GCLC: variants seen among roughly 807,000 people sequenced by gnomAD.
GCLC encodes glutamate--cysteine ligase catalytic subunit.
In GCLC, 30 loss-of-function variants were observed where a neutral mutation model predicts 81.5. That is an observed-to-expected ratio of 0.37 (90% CI 0.28 to 0.50). The LOEUF is 0.50. Among genes scored for constraint, GCLC ranks in the 20% least tolerant of loss-of-function variants. GCLC has a pLI of 0.96. For missense variants in GCLC, 556 were observed against 777.4 expected (o/e 0.72, Z 3.39); for synonymous variants, 262 against 273.3 (o/e 0.96, Z 0.41).
In GCLC at chr6:53,545,043, C is replaced by CA. The variant is rs1256254561; in HGVS notation, c.-399dup. 4 of 159,262 alleles carry CA rather than the reference C, an allele frequency of 2.5e-5. No individual in the cohort carries two copies. Among genetic ancestry groups the CA allele is most frequent in the Admixed American group, 6.5e-5 (1 of 15,436 alleles). The allele number at this position is 159,262 out of a possible 1,614,324, so 9.9% of individuals were successfully genotyped here. A position where few individuals can be genotyped will look rare whatever the true frequency, so the allele number is the denominator to read the frequency against. ...GCACTGGCTTCTTCCTACTTGTGAC[C>CA]AAAACCTGCGCCGCCGCGGAGCATG... On this transcript the variant is annotated 5_prime_UTR_variant, in exon 1 of 16. It removes the in-frame stop codon of an upstream open reading frame in the 5' UTR. Coordinates refer to ENST00000650454, the MANE Select transcript of GCLC (RefSeq NM_001498.4).
intron 1 of GCLC, among the ~76,000 whole-genome samples, chr6:53,538,136 CT>C (rs10588842): frequency 0.016 from 1,296 of 78,828 alleles, 24 homozygotes; most frequent in African/African-American, 0.054. Context: ...TTTTTCTTTC[CT>C]TTTTTTTTTT....
intron 3 of GCLC, among the ~76,000 whole-genome samples, 164 bp downstream of exon 3, chr6:53,520,614 G>A (rs1329230713): frequency 2.0e-5 from 3 of 152,228 alleles, no homozygotes; most frequent in African/African-American, 7.2e-5. Flanking sequence ...ATGCAACTGT[G>A]TCTGCAGCTC....
chr6:53,528,625 T>C (rs1034916418), intron 1 of GCLC, among the ~76,000 whole-genome samples: 10 of 152,324 alleles, frequency 6.6e-5, no homozygotes, highest in African/African-American at 2.2e-4. Flanking sequence ...TCCTCCTACT[T>C]TGAAATGTCT....
rs976872333 is a variant in GCLC, at chr6:53,544,386, C to G, written c.150+110G>C. On this transcript the variant is annotated intron_variant, in intron 1 of 15. Coordinates refer to ENST00000650454, the MANE Select transcript of GCLC (RefSeq NM_001498.4). ...CGGGAGGCGCTCGAGGACCCCCGGGCGCAGTGGAGAACGCGGACCGCGATA... is the reference window on the plus strand; with the variant it reads ...CGGGAGGCGCTCGAGGACCCCCGGGGGCAGTGGAGAACGCGGACCGCGATA... 7.0e-6 allele frequency: 8 copies of G among 1,138,714 alleles called. No individual in the cohort carries two copies. The African/African-American group carries it at 1.1e-4, about 15-fold the overall frequency. 70.5% of individuals were successfully genotyped at this position (1,138,714 alleles called of 1,614,324 possible).
At chr6:53,505,932 A>G (rs919025069) in intron 10 of GCLC, 37 bp from the exon 11 acceptor site, 2 of 1,137,822 alleles carry the variant, frequency 1.8e-6, no homozygotes, top group African/African-American at 3.0e-5. Flanking sequence ...CCAACTTTTC[A>G]CACATCCAGG....
intron 12 of GCLC, among the ~76,000 whole-genome samples, chr6:53,501,918 A>C (rs898297442): frequency 6.6e-6 from 1 of 152,184 alleles, no homozygotes; most frequent in African/African-American, 2.4e-5. Flanking sequence ...TCTTTTTGTT[A>C]AGACATTTAA....
rs1408114823 is a variant in GCLC, at chr6:53,544,632, G to A, written c.14C>T (p.Ser5Phe). The change falls in exon 1 of 16, where the codon TCC (serine) becomes TTC (phenylalanine). Residue 5 changes from serine to phenylalanine, a missense_variant. By Grantham distance (155) the Ser-to-Phe change is radical. This residue lies in a region of GCLC where 234 missense variants were observed against 303.8 expected (regional missense o/e 0.77). Coordinates refer to ENST00000650454, the MANE Select transcript of GCLC (RefSeq NM_001498.4). ...CTCCCAGCTCAGCGGCGAGCCCTGG[G>A]ACAGCAGCCCCATGGCCGCCCCCTC... MGLL[S>F]QGSPLSWEET... The A allele has an allele frequency of 6.3e-7, 1 of 1,598,392 alleles. No homozygotes were observed. Among genetic ancestry groups the A allele is most frequent in the Non-Finnish European group, 8.5e-7 (1 of 1,178,874 alleles).
intron 10 of GCLC, 58 bp from the exon 11 acceptor site, chr6:53,505,953 G>A (rs17884473): frequency 1.6e-5 from 15 of 938,128 alleles, no homozygotes; most frequent in Non-Finnish European, 1.8e-5. Flanking sequence ...AAAATATTAA[G>A]ATGATCTGGT....
chr6:53,537,468 A>T (rs1291460577), intron 1 of GCLC, among the ~76,000 whole-genome samples: 2 of 152,340 alleles, frequency 1.3e-5, no homozygotes, highest in East Asian at 3.9e-4. Context: ...TAAGAAGCCT[A>T]GCCTGAGCCT....
At chr6:53,508,167 A>G (rs1764652317) in intron 8 of GCLC, among the ~76,000 whole-genome samples, 1 of 152,154 alleles carries the variant, frequency 6.6e-6, no homozygotes. Context: ...GGTGGTTCTG[A>G]TGCACACCCC....
intron 1 of GCLC, among the ~76,000 whole-genome samples, chr6:53,526,419 A>T (rs1394836895): frequency 6.6e-6 from 1 of 152,252 alleles, no homozygotes; most frequent in Non-Finnish European, 1.5e-5. Context: ...ATTTACCACT[A>T]GCATAAGATA....
At chr6:53,515,307 C>T (rs1434014967) in intron 4 of GCLC, among the ~76,000 whole-genome samples, 4 of 152,232 alleles carry the variant, frequency 2.6e-5, no homozygotes, top group Non-Finnish European at 5.9e-5. Flanking sequence ...GTCAGAAGCA[C>T]CTTACTTTCT....
intron 1 of GCLC, among the ~76,000 whole-genome samples, chr6:53,534,213 C>A (rs1763220425): frequency 6.6e-6 from 1 of 152,162 alleles, no homozygotes; most frequent in East Asian, 1.9e-4. Context: ...TGTGTTTTTA[C>A]CAAATATCCA....
At chr6:53,538,136 CTTTTTTTTTTTTTTT>C (rs10588842) in intron 1 of GCLC, among the ~76,000 whole-genome samples, 15 of 78,904 alleles carry the variant, frequency 1.9e-4, no homozygotes, top group South Asian at 1.0e-3. Flanking sequence ...TTTTTCTTTC[CTTTTTTTTTTTTTTT>C]TTTTTTTTTT....
chr6:53,514,397 A>G, intron 5 of GCLC, 42 bp downstream of exon 5: 2 of 1,592,864 alleles, frequency 1.3e-6, no homozygotes, highest in Non-Finnish European at 1.7e-6. Flanking sequence ...ACAACAATAC[A>G]ACATGTCTCT....
At chr6:53,529,234 G>A (rs1056617425) in intron 1 of GCLC, among the ~76,000 whole-genome samples, 2 of 152,118 alleles carry the variant, frequency 1.3e-5, no homozygotes, top group African/African-American at 4.8e-5. Context: ...CATTATTGTT[G>A]GCACAAAGGA....
chr6:53,509,358 G>A (rs1581732134), intron 6 of GCLC, 108 bp from the exon 7 acceptor site: 4 of 743,904 alleles, frequency 5.4e-6, no homozygotes, highest in Non-Finnish European at 4.9e-6. Context: ...AGTTAACAAC[G>A]CTTCATTAAT....
Position 53,544,962 on chromosome 6 carries a change from G to T in GCLC, c.-317C>A, listed in dbSNP as rs868706646. The T allele has an allele frequency of 1.9e-5, 4 of 208,850 alleles. No homozygotes were observed. The highest frequency in any genetic ancestry group is 2.8e-5 in the Non-Finnish European group (3 of 105,664). 12.9% of individuals were successfully genotyped at this position (208,850 alleles called of 1,614,324 possible). ...CTCCTCCCGCTCCGATGCGGCGGCGGCGGACCCCACGGCCGCGCTGCCGCG... is the reference window on the plus strand; with the variant it reads ...CTCCTCCCGCTCCGATGCGGCGGCGTCGGACCCCACGGCCGCGCTGCCGCG... On this transcript the variant is annotated 5_prime_UTR_variant, in exon 1 of 16. Coordinates refer to ENST00000650454, the MANE Select transcript of GCLC (RefSeq NM_001498.4).
In GCLC at chr6:53,500,520, G is replaced by GA; in HGVS notation, c.1396-8dup. 1.3e-6 allele frequency: 2 copies of GA among 1,588,840 alleles called. No individual in the cohort carries two copies. Among genetic ancestry groups the GA allele is most frequent in the Non-Finnish European group, 1.7e-6 (2 of 1,158,260 alleles). On this transcript the variant is annotated splice_polypyrimidine_tract_variant and splice_region_variant and intron_variant, in intron 12 of 15. Transcript: ENST00000650454. ...CCTTCATGTTCTCATCAACCTAAGG[G>GA]AAAAAAAGAATCACGACTAAGTCAA...
Sources: allele counts gnomAD v4.1 joint callset (sites outside exome capture counted in the v4.1 genomes callset), GRCh38; gene constraint gnomAD v4.1.1; regional missense constraint gnomAD v4.1.1; transcripts MANE v1.5; gene names NCBI Gene and HGNC (gene_info 2026-07-23, HGNC 2026-07-21).